Variants in RAB27B observed in about 807,000 individuals in gnomAD.
The protein encoded by RAB27B is ras-related protein Rab-27B.
Under a neutral mutation model 24.6 loss-of-function variants are expected in RAB27B, and 15 were observed. That is an observed-to-expected ratio of 0.61 (90% confidence interval 0.41 to 0.94). The LOEUF is 0.94. Among genes scored for constraint, RAB27B ranks in the 40% least tolerant of loss-of-function variants. The pLI, the probability that RAB27B is intolerant of heterozygous loss-of-function variation, is 0.00. For missense variants in RAB27B, 261 were observed against 266.8 expected (o/e 0.98, Z 0.15); for synonymous variants, 105 against 92.5 (o/e 1.14, Z -0.78).
At chr18:54,718,088 T>C (rs1210412812) in exon 2 of RAB27B, 1 of 152,188 alleles carries the variant, frequency 6.6e-6, no homozygotes, top group Non-Finnish European at 1.5e-5. Context: ...AACAGTGCCA[T>C]AAAGAAATGG....
chr18:54,843,325 T>G (rs541228221), intron 1 of RAB27B, among the ~76,000 whole-genome samples: 16 of 150,506 alleles, frequency 1.1e-4, no homozygotes, highest in Middle Eastern at 3.4e-3. Context: ...TTTGTGGTAA[T>G]AACATACCTA....
intron 1 of RAB27B, among the ~76,000 whole-genome samples, chr18:54,864,241 T>C (rs1912121566): frequency 6.6e-6 from 1 of 152,192 alleles, no homozygotes; most frequent in Non-Finnish European, 1.5e-5. Flanking sequence ...TTTTGACCCA[T>C]ACTTTTCTAA....
At chr18:54,805,850 A>G (rs1909775429) in intron 2 of RAB27B, among the ~76,000 whole-genome samples, 2 of 152,324 alleles carry the variant, frequency 1.3e-5, no homozygotes, top group South Asian at 4.1e-4. Flanking sequence ...GCCTCAGAGA[A>G]GCATTTAATT....
At chr18:54,743,365 C>T (rs186501110) in intron 2 of RAB27B, among the ~76,000 whole-genome samples, 47 of 152,208 alleles carry the variant, frequency 3.1e-4, no homozygotes, top group African/African-American at 1.0e-3. Flanking sequence ...TAATAGAGTT[C>T]CTGTTATCTT....
chr18:54,767,087 A>G (rs1029145374), intron 2 of RAB27B, among the ~76,000 whole-genome samples: 3 of 152,182 alleles, frequency 2.0e-5, no homozygotes, highest in African/African-American at 7.2e-5. Flanking sequence ...GAAGGTGGGG[A>G]AACTTTAGTC....
chr18:54,863,946 C>A (rs1912108740), intron 1 of RAB27B, among the ~76,000 whole-genome samples: 1 of 152,180 alleles, frequency 6.6e-6, no homozygotes, highest in African/African-American at 2.4e-5. Flanking sequence ...TAATTTGGGG[C>A]TATTATGAAT....
intron 2 of RAB27B, among the ~76,000 whole-genome samples, chr18:54,731,445 G>A (rs1042932851): frequency 9.2e-5 from 14 of 152,202 alleles, no homozygotes; most frequent in Non-Finnish European, 8.8e-5. Flanking sequence ...AATCTGCCAG[G>A]TGTGGTGGCT....
At chr18:54,802,683 A>T (rs2145132562) in intron 2 of RAB27B, among the ~76,000 whole-genome samples, 1 of 152,364 alleles carries the variant, frequency 6.6e-6, no homozygotes, top group South Asian at 2.1e-4. Flanking sequence ...AAGAGAGTTT[A>T]AACATGTAAG....
At chr18:54,821,568 T>C (rs1910311238) in intron 2 of RAB27B, among the ~76,000 whole-genome samples, 1 of 152,146 alleles carries the variant, frequency 6.6e-6, no homozygotes. Flanking sequence ...TTAAAGTTCA[T>C]ATGGAACCAA....
chr18:54,734,140 TC>T (rs1263812715), intron 2 of RAB27B, among the ~76,000 whole-genome samples: 1 of 152,174 alleles, frequency 6.6e-6, no homozygotes, highest in Non-Finnish European at 1.5e-5. Context: ...AATTAAATTT[TC>T]CTCATGAGCT....
At chr18:54,811,939 C>CT (rs1909976847) in intron 2 of RAB27B, among the ~76,000 whole-genome samples, 2 of 152,154 alleles carry the variant, frequency 1.3e-5, no homozygotes, top group Non-Finnish European at 2.9e-5. Context: ...CCATCCAATA[C>CT]TTTTTTACAG....
At chr18:54,762,784 G>A (rs896849805) in intron 2 of RAB27B, among the ~76,000 whole-genome samples, 6 of 151,974 alleles carry the variant, frequency 3.9e-5, no homozygotes, top group African/African-American at 1.5e-4. Flanking sequence ...ATTCTTCTCA[G>A]TACCTACGAC....
intron 1 of RAB27B, among the ~76,000 whole-genome samples, chr18:54,869,288 C>A (rs1374993265): frequency 1.3e-5 from 2 of 152,184 alleles, no homozygotes; most frequent in Non-Finnish European, 2.9e-5. Context: ...AAATGCATGA[C>A]AAGCATTGAT....
intron 2 of RAB27B, among the ~76,000 whole-genome samples, chr18:54,793,630 C>T (rs1327961609): frequency 1.3e-5 from 2 of 152,196 alleles, no homozygotes; most frequent in African/African-American, 2.4e-5. Flanking sequence ...AGCAAGTAAG[C>T]AAATCAAGTC....
At chr18:54,815,090 G>C (rs1439436988) in intron 2 of RAB27B, among the ~76,000 whole-genome samples, 1 of 152,032 alleles carries the variant, frequency 6.6e-6, no homozygotes, top group Admixed American at 6.6e-5. Flanking sequence ...ATGTGCCATA[G>C]ATATATCTGT....
chr18:54,814,981 A>T (rs777394113), intron 2 of RAB27B, among the ~76,000 whole-genome samples: 6 of 152,074 alleles, frequency 3.9e-5, no homozygotes, highest in Non-Finnish European at 5.9e-5. Flanking sequence ...CCACCATCTC[A>T]ACCCCCAACC....
chr18:54,801,035 CAG>C (rs1406588830), intron 2 of RAB27B, among the ~76,000 whole-genome samples: 3 of 61,800 alleles, frequency 4.9e-5, no homozygotes, highest in African/African-American at 2.1e-4. Flanking sequence ...TTTTTTTTAA[CAG>C]AGTCTTGCTC....
intron 2 of RAB27B, among the ~76,000 whole-genome samples, chr18:54,766,671 G>A (rs904354647): frequency 3.1e-4 from 47 of 152,120 alleles, no homozygotes; most frequent in African/African-American, 1.0e-3. Context: ...CATAGGCGTA[G>A]TGTATGAAAT....
chr18:54,887,978 T>C lies in RAB27B; in HGVS notation c.344-17T>C, dbSNP rs773384532. The C allele has an allele frequency of 6.2e-7, 1 of 1,607,210 alleles. No individual in the cohort carries two copies. The highest frequency in any genetic ancestry group is 8.5e-7 in the Non-Finnish European group (1 of 1,176,174). On this transcript the variant is annotated splice_polypyrimidine_tract_variant and intron_variant, in intron 4 of 5. Coordinates refer to ENST00000262094, the MANE Select transcript of RAB27B (RefSeq NM_004163.4). ...ATTTATCAATAACTTGCTGGTTCCA[T>C]CTGCTTTCTTTTCAAGGCCAACTGC...
Sources: gnomAD v4.1 joint callset for allele counts (sites outside exome capture counted in the v4.1 genomes callset) on GRCh38, gnomAD v4.1.1 for gene constraint, MANE v1.5 for transcripts, NCBI Gene and HGNC (gene_info 2026-07-23, HGNC 2026-07-21) for gene names.